Variants in DOCK1 observed in about 807,000 individuals in gnomAD.
DOCK1 encodes dedicator of cytokinesis protein 1.
A neutral mutation model predicts 262.7 loss-of-function variants in DOCK1; 138 were observed. The observed-to-expected ratio is 0.53, with a 90% CI of 0.46 to 0.61. The LOEUF (loss-of-function observed/expected upper bound fraction) is 0.61, where lower values mean the gene tolerates loss of function less well. Ranked by LOEUF, DOCK1 falls within the 20% of genes least tolerant of loss-of-function variation. The pLI is 0.00. For missense variants in DOCK1, 1,908 were observed against 2,370.7 expected, an observed-to-expected ratio of 0.80 and a Z score of 4.05; for synonymous variants, 866 against 867.4, an observed-to-expected ratio of 1.00 and a Z score of 0.03.
chr10:127,000,143 A>G (rs368324264), intron 9 of DOCK1, 29 bp from the exon 10 acceptor site: 3 of 1,611,236 alleles, frequency 1.9e-6, no homozygotes, highest in Admixed American at 1.7e-5. Context: ...TGGGTCTCCA[A>G]AATAATTTAT....
intron 29 of DOCK1, among the ~76,000 whole-genome samples, chr10:127,262,405 C>T: frequency 6.6e-6 from 1 of 152,148 alleles, no homozygotes. Flanking sequence ...CAGAAACAAG[C>T]TCCCAAGCCC....
At chr10:127,307,363 T>C (rs2061911801) in intron 29 of DOCK1, among the ~76,000 whole-genome samples, 1 of 152,204 alleles carries the variant, frequency 6.6e-6, no homozygotes, top group African/African-American at 2.4e-5. Flanking sequence ...GACCATCCCC[T>C]CTTCCCCGCC....
At chr10:127,311,721 C>T (rs1045035239) in intron 29 of DOCK1, among the ~76,000 whole-genome samples, 1 of 152,114 alleles carries the variant, frequency 6.6e-6, no homozygotes, top group African/African-American at 2.4e-5. Flanking sequence ...TGTGAGTGAT[C>T]GGATTTGAAC....
At chr10:127,245,201 G>A (rs575124405) in intron 27 of DOCK1, among the ~76,000 whole-genome samples, 1 of 152,162 alleles carries the variant, frequency 6.6e-6, no homozygotes, top group African/African-American at 2.4e-5. Context: ...CAGGGAGGAA[G>A]GGGAGGGGCA....
intron 27 of DOCK1, among the ~76,000 whole-genome samples, chr10:127,130,065 CTTTTTTTT>C (rs74721427): frequency 4.3e-5 from 5 of 117,546 alleles, no homozygotes; most frequent in African/African-American, 1.2e-4. Flanking sequence ...TTAGGGTCTT[CTTTTTTTT>C]TTTTTTTTTT....
At chr10:126,999,907 C>T (rs961017929) in intron 9 of DOCK1, among the ~76,000 whole-genome samples, 1 of 152,202 alleles carries the variant, frequency 6.6e-6, no homozygotes, top group African/African-American at 2.4e-5. Flanking sequence ...AAACTCCTGA[C>T]CTCGTGATCC....
At chr10:127,227,957 A>G (rs1237615766) in intron 27 of DOCK1, among the ~76,000 whole-genome samples, 3 of 152,226 alleles carry the variant, frequency 2.0e-5, no homozygotes, top group East Asian at 1.9e-4. Flanking sequence ...CCAGTGTACT[A>G]AAGTAGGACT....
At chr10:127,234,972 A>C (rs1175277798) in intron 27 of DOCK1, among the ~76,000 whole-genome samples, 1 of 140,624 alleles carries the variant, frequency 7.1e-6, no homozygotes, top group African/African-American at 2.5e-5. Context: ...AAAGTAAATA[A>C]TATATGTACA....
intron 29 of DOCK1, among the ~76,000 whole-genome samples, chr10:127,291,864 G>C (rs747297723): frequency 6.6e-6 from 1 of 152,166 alleles, no homozygotes; most frequent in Non-Finnish European, 1.5e-5. Context: ...AACAAGGGTG[G>C]GTTTGCGGTA....
intron 35 of DOCK1, among the ~76,000 whole-genome samples, chr10:127,375,027 C>T (rs775163567): frequency 2.6e-5 from 4 of 152,262 alleles, no homozygotes; most frequent in Admixed American, 6.5e-5. Context: ...GACGCCTGGG[C>T]GACCTTGGCT....
chr10:127,048,330 TTTATA>T (rs140599657), intron 21 of DOCK1, among the ~76,000 whole-genome samples: 5,937 of 152,250 alleles, frequency 0.039, 287 homozygotes, highest in East Asian at 0.13. Flanking sequence ...TCTTTTTCAT[TTTATA>T]TTTTGTTGTC....
At chr10:127,426,055 G>A in intron 47 of DOCK1, 44 bp downstream of exon 47, 1 of 1,610,266 alleles carries the variant, frequency 6.2e-7, no homozygotes, top group Non-Finnish European at 8.5e-7. Flanking sequence ...GTGGGTGTCT[G>A]GGCATCCCAC....
chr10:127,060,314 C>T (rs1239605014), intron 22 of DOCK1, among the ~76,000 whole-genome samples: 1 of 152,094 alleles, frequency 6.6e-6, no homozygotes, highest in Non-Finnish European at 1.5e-5. Context: ...AGCAGAAGTT[C>T]ATGATTCCAT....
chr10:127,354,112 A>G (rs2064019630), intron 31 of DOCK1, among the ~76,000 whole-genome samples: 1 of 152,196 alleles, frequency 6.6e-6, no homozygotes, highest in African/African-American at 2.4e-5. Context: ...CACCTCCTCT[A>G]TGCACCCATC....
intron 1 of DOCK1, among the ~76,000 whole-genome samples, chr10:126,941,289 A>G (rs1398296138): frequency 6.6e-6 from 1 of 152,218 alleles, no homozygotes; most frequent in Non-Finnish European, 1.5e-5. Flanking sequence ...GAGATGCTAT[A>G]CTGTGTAAAG....
At chr10:127,136,973 A>G (rs2050756712) in intron 27 of DOCK1, 1 of 152,640 alleles carries the variant, frequency 6.6e-6, no homozygotes. Flanking sequence ...TGGGTGGATT[A>G]TCCATCGTGT....
chr10:127,093,221 T>TCTTTCTTTC (rs61471121), intron 23 of DOCK1, among the ~76,000 whole-genome samples: 1 of 125,684 alleles, frequency 8.0e-6, no homozygotes, highest in Non-Finnish European at 1.6e-5. Flanking sequence ...TTTCTTTCTT[T>TCTTTCTTTC]TCTTTCTTTC....
intron 26 of DOCK1, 129 bp from the exon 27 acceptor site, chr10:127,127,540 C>G (rs1240063775): frequency 7.2e-6 from 4 of 555,434 alleles, no homozygotes; most frequent in Non-Finnish European, 1.2e-5. Context: ...TGACAAGGGC[C>G]ATTTTTCATC....
At position 127,439,033 on chromosome 10, in the gene DOCK1, C is replaced by T. The variant is rs2069889561; in HGVS notation, c.5067C>T (p.Ala1689=). Residue 1689 remains alanine, a synonymous_variant, in exon 49 of 52, where the codon GCC becomes GCT. Coordinates refer to ENST00000623213, the MANE Select transcript of DOCK1 (RefSeq NM_001290223.2). ...TPSRPGSDGF[A]LEPLLPKKMH... ...TCATTGACCTTTCCTTTAGGTTTGC[C>T]CTGGAGCCTCTCCTGCCAAAGAAAA... The T allele has an allele frequency of 6.4e-7, 1 of 1,551,112 alleles. No homozygotes were observed. The highest frequency in any genetic ancestry group is 8.7e-7 in the Non-Finnish European group (1 of 1,146,852).
Sources: gnomAD v4.1 joint callset for allele counts (sites outside exome capture counted in the v4.1 genomes callset) on GRCh38, gnomAD v4.1.1 for gene constraint, MANE v1.5 for transcripts, NCBI Gene and HGNC (gene_info 2026-07-23, HGNC 2026-07-21) for gene names.